Variants in MIER2 observed in about 807,000 individuals in gnomAD.
MIER2 encodes the protein mesoderm induction early response protein 2.
In MIER2, 30 loss-of-function variants were observed where a neutral mutation model predicts 67.6. The observed-to-expected ratio is 0.44, with a 90% confidence interval of 0.33 to 0.60. MIER2 has a LOEUF of 0.60. Among genes scored for constraint, MIER2 ranks in the 20% least tolerant of loss-of-function variants. The probability of loss-of-function intolerance (pLI) is 0.02; values close to 1 mark genes in which losing one functional copy is unlikely to be tolerated. For missense variants in MIER2, 702 were observed against 745.1 expected (o/e 0.94, Z 0.67); for synonymous variants, 372 against 312.6 (o/e 1.19, Z -2.00).
intron 7 of MIER2, among the ~76,000 whole-genome samples, chr19:316,957 A>C (rs1303906531): frequency 1.3e-5 from 2 of 152,208 alleles, no homozygotes; most frequent in Non-Finnish European, 1.5e-5. Flanking sequence ...CGACAGAACA[A>C]GACTCTATCT....
At position 308,471 on chromosome 19, in the gene MIER2, G is replaced by C; in HGVS notation, c.1198+106C>G. 2 of 1,234,386 alleles carry C rather than the reference G, an allele frequency of 1.6e-6. No homozygotes were observed. The highest frequency in any genetic ancestry group is 2.2e-6 in the Non-Finnish European group (2 of 898,948). 76.5% of individuals were successfully genotyped at this position (1,234,386 alleles called of 1,614,324 possible). ...CCCAGACGCCCACTCCTCCTGGCGA[G>C]GCTGGCCCAGCACAGGGCGCCAGGC... On this transcript the variant is annotated intron_variant, in intron 12 of 13. Coordinates refer to ENST00000264819, the MANE Select transcript of MIER2 (RefSeq NM_017550.3). This position sits in a 1 kb window ranked among gnomAD's most constrained non-coding sequence, Gnocchi z 9.1.
intron 2 of MIER2, 152 bp downstream of exon 2, chr19:335,931 C>G: frequency 1.4e-6 from 1 of 725,444 alleles, no homozygotes; most frequent in Non-Finnish European, 2.3e-6. Context: ...CTCTGCCCCA[C>G]AGCTCCATCT....
chr19:306,927 G>A (rs896117481), intron 13 of MIER2, among the ~76,000 whole-genome samples, 192 bp downstream of exon 13: 1 of 152,240 alleles, frequency 6.6e-6, no homozygotes, highest in African/African-American at 2.4e-5. Context: ...TGGACCACAT[G>A]AATGTATTCT....
At chr19:334,152 C>T in intron 3 of MIER2, 1 of 465,838 alleles carries the variant, frequency 2.1e-6, no homozygotes, top group East Asian at 4.0e-5. Flanking sequence ...TTTAAGAGTA[C>T]AAAGCAGGTT....
intron 1 of MIER2, among the ~76,000 whole-genome samples, chr19:338,077 C>T (rs898980129): frequency 2.1e-5 from 3 of 141,048 alleles, no homozygotes; most frequent in African/African-American, 7.8e-5. Flanking sequence ...GAGGCTGAGG[C>T]AGGAGGATCG....
At chr19:327,017 C>T (rs1441384737) in intron 5 of MIER2, 116 bp downstream of exon 5, 6 of 1,387,634 alleles carry the variant, frequency 4.3e-6, no homozygotes, top group East Asian at 4.9e-5. Context: ...GCCAGGCAGA[C>T]GCCCTCATCT....
At chr19:336,793 T>A (rs1031115021) in intron 1 of MIER2, among the ~76,000 whole-genome samples, 1 of 152,212 alleles carries the variant, frequency 6.6e-6, no homozygotes, top group Admixed American at 6.5e-5. Flanking sequence ...AATTTTTTTT[T>A]ATAAAAAGGC....
chr19:329,294 G>A (rs542780428), intron 3 of MIER2, among the ~76,000 whole-genome samples: 215 of 152,310 alleles, frequency 1.4e-3, no homozygotes, highest in Non-Finnish European at 2.2e-3. Context: ...CCCGTGGAAA[G>A]AACAGATTCT....
intron 7 of MIER2, among the ~76,000 whole-genome samples, chr19:320,240 G>A (rs906084254): frequency 1.1e-4 from 16 of 151,812 alleles, no homozygotes; most frequent in African/African-American, 1.7e-4. Flanking sequence ...ATTAGCCGGC[G>A]TGCAGTGGCG....
intron 6 of MIER2, 28 bp from the exon 7 acceptor site, chr19:325,732 A>ATCTGAGGCCTAGGCCTGG: frequency 6.2e-7 from 1 of 1,613,882 alleles, no homozygotes; most frequent in Non-Finnish European, 8.5e-7. Context: ...GGGAATCAGG[A>ATCTGAGGCCTAGGCCTGG]CACTGAGGAG....
At chr19:313,716 C>T in intron 7 of MIER2, 73 bp from the exon 8 acceptor site, 2 of 1,549,064 alleles carry the variant, frequency 1.3e-6, no homozygotes, top group South Asian at 1.2e-5. Flanking sequence ...ACAAGCAAAG[C>T]AGCCAACTCA....
At chr19:310,701 G>GGCCGGGAGCTGCAGAAACACA (rs1970952986) in intron 10 of MIER2, among the ~76,000 whole-genome samples, 20 of 118,326 alleles carry the variant, frequency 1.7e-4, no homozygotes, top group South Asian at 5.4e-4. Context: ...ATAGAAACAC[G>GGCCGGGAGCTGCAGAAACACA]GCCCGGAGCT....
At chr19:311,631 C>G (rs138940700) in intron 10 of MIER2, among the ~76,000 whole-genome samples, 46 of 152,280 alleles carry the variant, frequency 3.0e-4, no homozygotes, top group Admixed American at 8.5e-4. Context: ...CATTCTTTCC[C>G]AAAGCCAGAG....
intron 12 of MIER2, among the ~76,000 whole-genome samples, chr19:307,786 T>C (rs1213757377): frequency 1.9e-5 from 2 of 105,398 alleles, no homozygotes; most frequent in East Asian, 4.0e-4. Context: ...AAGAGCAGAA[T>C]ACAATAGACA....
chr19:342,132 C>T (rs1181395592), intron 1 of MIER2, among the ~76,000 whole-genome samples: 1 of 152,226 alleles, frequency 6.6e-6, no homozygotes, highest in East Asian at 1.9e-4. Context: ...CCCACACCAA[C>T]TCAAGTGCCA....
chr19:308,128 C>G lies in MIER2; in HGVS notation c.1198+449G>C, dbSNP rs1363848596. 1.3e-5 allele frequency among the ~76,000 whole-genome samples: 2 copies of G among 152,180 alleles called. No individual in the cohort carries two copies. The highest frequency in any genetic ancestry group is 3.9e-4 in the East Asian group (2 of 5,182). The stretch of plus-strand genomic sequence containing the variant: ...CCACCTTCGGACGCCACATCAGACA[C>G]CACCATCGGACATGGTCCCTACCCG... On this transcript the variant is annotated intron_variant, in intron 12 of 13. Coordinates refer to ENST00000264819, the MANE Select transcript of MIER2 (RefSeq NM_017550.3). This position sits in a 1 kb window ranked among gnomAD's most constrained non-coding sequence, Gnocchi z 9.1.
intron 4 of MIER2, 110 bp from the exon 5 acceptor site, chr19:327,366 G>GAATAGCAGCCCCATGTGA: frequency 7.4e-7 from 1 of 1,344,016 alleles, no homozygotes; most frequent in Non-Finnish European, 1.0e-6. Flanking sequence ...GCTCACATGG[G>GAATAGCAGCCCCATGTGA]GCTGCTATTC....
chr19:342,884 G>T (rs973477080), intron 1 of MIER2, among the ~76,000 whole-genome samples: 2 of 151,872 alleles, frequency 1.3e-5, no homozygotes, highest in Admixed American at 6.6e-5. Context: ...AGGAAGTTCT[G>T]AGTCACTGGG....
intron 8 of MIER2, among the ~76,000 whole-genome samples, 191 bp from the exon 9 acceptor site, chr19:312,463 G>C (rs1369777319): frequency 2.4e-5 from 2 of 84,470 alleles, no homozygotes; most frequent in African/African-American, 1.0e-4. Flanking sequence ...GGCGATGTCA[G>C]GGCCACCTAC....
Sources: gnomAD v4.1 joint callset for allele counts (sites outside exome capture counted in the v4.1 genomes callset) on GRCh38, gnomAD v4.1.1 for gene constraint, Gnocchi (gnomAD v3.1) non-coding constraint, MANE v1.5 for transcripts, NCBI Gene and HGNC (gene_info 2026-07-23, HGNC 2026-07-21) for gene names.